The following PPP1R18 variants were observed in gnomAD, a reference collection of about 807,000 sequenced individuals.
The protein encoded by PPP1R18 is phostensin.
A neutral mutation model predicts 54.8 loss-of-function variants in PPP1R18; 31 were observed. The observed-to-expected ratio is 0.57, with a 90% CI of 0.43 to 0.76. The LOEUF is 0.76. Among genes scored for constraint, PPP1R18 ranks in the 30% least tolerant of loss-of-function variants. The probability of loss-of-function intolerance (pLI) is 0.00; values close to 1 mark genes in which losing one functional copy is unlikely to be tolerated. For synonymous variants in PPP1R18, 310 were observed against 320.2 expected (o/e 0.97, Z 0.34); for missense variants, 685 against 776.1 (o/e 0.88, Z 1.39).
intron 2 of PPP1R18, among the ~76,000 whole-genome samples, chr6:30,678,313 G>A (rs986207453): frequency 2.0e-5 from 3 of 152,026 alleles, no homozygotes; most frequent in Admixed American, 1.3e-4. Flanking sequence ...GAGGTCAAAC[G>A]ATGCTCCCAC....
chr6:30,684,707 G>A lies in PPP1R18; in HGVS notation c.1312C>T (p.Pro438Ser). 6.8e-7 allele frequency: 1 copy of A among 1,480,216 alleles called. No homozygotes were observed. The highest frequency in any genetic ancestry group is 9.0e-7 in the Non-Finnish European group (1 of 1,108,832). The allele number at this position is 1,480,216 out of a possible 1,614,324, so 91.7% of individuals were successfully genotyped here. A position where few individuals can be genotyped will look rare whatever the true frequency, so the allele number is the denominator to read the frequency against. Residue 438 changes from proline (P) to serine (S), a missense_variant, in exon 1 of 3, where the codon CCA becomes TCA. By Grantham distance (74) the Pro-to-Ser change is moderately conservative. Transcript: ENST00000274853. The surrounding 1 kb of genome is among the most constrained non-coding windows in gnomAD (Gnocchi z 6.0). The stretch of plus-strand genomic sequence containing the variant: ...TCCCCAGGAGGTTGGGGGGCAGTTG[G>A]GGCTGGGGGTGGGGGAGACAGAGGG... ...PAPLSPPPPA[P>S]TAPQPPGDPL...
rs999317207 is a variant in PPP1R18 at position 30,683,893 on chromosome 6, C to G, written c.1611+515G>C. ...CAGCTCTGCCCTCCTTCCCACGGGG[C>G]AGTTGGACCTTTCTCCATTCACTTC... is the stretch of plus-strand genomic sequence containing the variant. On this transcript the variant is annotated intron_variant, in intron 1 of 2. Transcript: ENST00000274853. This position sits in a 1 kb window ranked among gnomAD's most constrained non-coding sequence, Gnocchi z 5.1. Among the ~76,000 whole-genome samples the G allele has an allele frequency of 3.9e-5, 6 of 152,122 alleles. No individual in the cohort carries two copies. The highest frequency in any genetic ancestry group is 1.4e-4 in the African/African-American group (6 of 41,404).
chr6:30,685,506 G>T lies in PPP1R18; in HGVS notation c.513C>A (p.Asp171Glu). The change falls in exon 1 of 3, where the codon GAC (aspartate) becomes GAA (glutamate). Residue 171 changes from aspartate to glutamate, a missense_variant. Coordinates refer to ENST00000274853, the MANE Select transcript of PPP1R18 (RefSeq NM_133471.4). This position sits in a 1 kb window ranked among gnomAD's most constrained non-coding sequence, Gnocchi z 5.0. ...ELSLRPLEAR[D>E]WRQSPGEVGD... ...CCACCTCTCCTGGGCTTTGCCTCCAGTCCCGAGCCTCCAGAGGCCTCAGGC... is the reference window on the plus strand; with the variant it reads ...CCACCTCTCCTGGGCTTTGCCTCCATTCCCGAGCCTCCAGAGGCCTCAGGC... 1 of 1,612,984 alleles carries T rather than the reference G, an allele frequency of 6.2e-7. No individual in the cohort carries two copies.
At position 30,686,492 on chromosome 6, in the gene PPP1R18, G is replaced by A. The variant is rs374509699; in HGVS notation, c.-474C>T. The A allele has an allele frequency of 1.2e-5, 2 of 163,628 alleles. No homozygotes were observed. Among genetic ancestry groups the A allele is most frequent in the Non-Finnish European group, 1.3e-5 (1 of 75,764 alleles). 10.1% of individuals were successfully genotyped at this position (163,628 alleles called of 1,614,324 possible). A position where few individuals can be genotyped will look rare whatever the true frequency, so the allele number is the denominator to read the frequency against. ...CAGGGAGGCTAGTGTGGGAAGGAAG[G>A]ACCAGGAATCCCTGAAAGGACCAGG... On this transcript the variant is annotated 5_prime_UTR_variant, in exon 1 of 3. Transcript: ENST00000274853.
Position 30,684,644 on chromosome 6 carries a change from C to T in PPP1R18, c.1375G>A (p.Gly459Arg). The change falls in exon 1 of 3, where the codon GGG becomes AGG. Residue 459 changes from glycine (G) to arginine (R), a missense_variant. By Grantham distance (125) the Gly-to-Arg change is moderately radical. Coordinates refer to ENST00000274853, the MANE Select transcript of PPP1R18 (RefSeq NM_133471.4). This position sits in a 1 kb window ranked among gnomAD's most constrained non-coding sequence, Gnocchi z 6.0. The part of the protein sequence containing the change: ...MSRLFYGVKA[G>R]PGVGAPRRSG... ...CGGCGGGGGGCCCCCACCCCTGGCC[C>T]TGCCTTCACCCCATAGAACAGGCGG... The T allele has an allele frequency of 6.6e-7, 1 of 1,523,388 alleles. No homozygotes were observed. The highest frequency in any genetic ancestry group is 8.8e-7 in the Non-Finnish European group (1 of 1,133,588). 94.4% of individuals were successfully genotyped at this position (1,523,388 alleles called of 1,614,324 possible).
At chr6:30,677,322 A>C in intron 2 of PPP1R18, 34 bp from the exon 3 acceptor site, 1 of 1,562,198 alleles carries the variant, frequency 6.4e-7, no homozygotes, top group Non-Finnish European at 8.6e-7. Context: ...TTAGAGAATG[A>C]GTGAGAGCCT....
At position 30,685,504 on chromosome 6, in the gene PPP1R18, C is replaced by A; in HGVS notation, c.515G>T (p.Trp172Leu). ...TCCCACCTCTCCTGGGCTTTGCCTC[C>A]AGTCCCGAGCCTCCAGAGGCCTCAG... ...LSLRPLEARDWRQSPGEVGDR... is the reference protein window; with the variant it reads ...LSLRPLEARDLRQSPGEVGDR... Residue 172 changes from tryptophan (W) to leucine (L), a missense_variant, in exon 1 of 3, where the codon TGG becomes TTG. Coordinates refer to ENST00000274853, the MANE Select transcript of PPP1R18 (RefSeq NM_133471.4). The surrounding 1 kb of genome is among the most constrained non-coding windows in gnomAD (Gnocchi z 5.0). The A allele has an allele frequency of 6.2e-7, 1 of 1,613,076 alleles. No homozygotes were observed. Among genetic ancestry groups the A allele is most frequent in the Non-Finnish European group, 8.5e-7 (1 of 1,180,038 alleles).
Position 30,686,079 on chromosome 6 carries a change from G to T in PPP1R18, c.-61C>A. ...CAGAGAACAGGAAGGAGAGGCTCCA[G>T]AGAGTGAGACAGCCCGGGGGTGAGA... On this transcript the variant is annotated 5_prime_UTR_variant, in exon 1 of 3. The change creates a new upstream start codon in the 5' untranslated region. Transcript: ENST00000274853. 6.7e-7 allele frequency: 1 copy of T among 1,491,858 alleles called. No homozygotes were observed. The highest frequency in any genetic ancestry group is 8.9e-7 in the Non-Finnish European group (1 of 1,124,278). The allele number at this position is 1,491,858 out of a possible 1,614,324, so 92.4% of individuals were successfully genotyped here.
chr6:30,679,465 C>A, intron 1 of PPP1R18, 76 bp from the exon 2 acceptor site: 1 of 37,006 alleles, frequency 2.7e-5, no homozygotes, highest in South Asian at 2.6e-4. Flanking sequence ...GGAGAGAAAG[C>A]GGGGGCGGGG....
At position 30,685,319 on chromosome 6, in the gene PPP1R18, C is replaced by T. The variant is rs1266415901; in HGVS notation, c.700G>A (p.Gly234Ser). Reference sequence around the variant, plus strand: ...CTCCATTTATGGGCCTCTGTCAGGCCCAACTTCTGGTAGGCAGATTCCCCT... The same window carrying T: ...CTCCATTTATGGGCCTCTGTCAGGCTCAACTTCTGGTAGGCAGATTCCCCT... ...SPGESAYQKL[G>S]LTEAHKWRPD... The change falls in exon 1 of 3, where the codon GGC becomes AGC. Residue 234 changes from glycine (G) to serine (S), a missense_variant. Gly to Ser is a moderately conservative substitution (Grantham distance 56). Coordinates refer to ENST00000274853, the MANE Select transcript of PPP1R18 (RefSeq NM_133471.4). The surrounding 1 kb of genome is among the most constrained non-coding windows in gnomAD (Gnocchi z 5.0). The T allele has an allele frequency of 1.2e-6, 2 of 1,613,116 alleles. No homozygotes were observed. Among genetic ancestry groups the T allele is most frequent in the African/African-American group, 1.3e-5 (1 of 75,064 alleles).
intron 1 of PPP1R18, among the ~76,000 whole-genome samples, chr6:30,680,299 C>T (rs573219906): frequency 6.6e-6 from 1 of 152,230 alleles, no homozygotes; most frequent in Admixed American, 6.5e-5. Context: ...TATTAAGAAG[C>T]TCAGGGGGAA....
At position 30,684,847 on chromosome 6, in the gene PPP1R18, C is replaced by G. The variant is rs769802229; in HGVS notation, c.1172G>C (p.Arg391Thr). Residue 391 changes from arginine (R) to threonine (T), a missense_variant, in exon 1 of 3, where the codon AGA becomes ACA. Transcript: ENST00000274853. The surrounding 1 kb of genome is among the most constrained non-coding windows in gnomAD (Gnocchi z 6.0). Reference protein sequence around the residue: ...EEAGAQGRPLRALQNCCSVPS... With the variant: ...EEAGAQGRPLTALQNCCSVPS... ...CACAGAGCAGCAGTTCTGCAGGGCTCTCAGAGGCCTGCCCTGAGCCCCCGC... is the reference window on the plus strand; with the variant it reads ...CACAGAGCAGCAGTTCTGCAGGGCTGTCAGAGGCCTGCCCTGAGCCCCCGC... The G allele has an allele frequency of 2.5e-6, 4 of 1,612,856 alleles. No homozygotes were observed.
At chr6:30,680,036 C>T (rs1344330224) in intron 1 of PPP1R18, among the ~76,000 whole-genome samples, 2 of 151,978 alleles carry the variant, frequency 1.3e-5, no homozygotes, top group Non-Finnish European at 2.9e-5. Flanking sequence ...ACAGAAAGGC[C>T]GAGAGGAACC....
intron 1 of PPP1R18, among the ~76,000 whole-genome samples, chr6:30,680,288 C>T (rs1472152713): frequency 6.6e-6 from 1 of 152,136 alleles, no homozygotes; most frequent in Non-Finnish European, 1.5e-5. Flanking sequence ...CCCCTTTGCC[C>T]TATTAAGAAG....
intron 1 of PPP1R18, among the ~76,000 whole-genome samples, chr6:30,681,880 G>C (rs967424520): frequency 2.0e-5 from 3 of 152,190 alleles, no homozygotes; most frequent in African/African-American, 7.2e-5. Flanking sequence ...CTGGGGAAAC[G>C]ATCTGCGGGT....
intron 1 of PPP1R18, among the ~76,000 whole-genome samples, chr6:30,682,130 C>T (rs1770581565): frequency 6.6e-6 from 1 of 152,164 alleles, no homozygotes; most frequent in Non-Finnish European, 1.5e-5. Context: ...TTTATTTGCT[C>T]TCGGTCTATG....
rs756557896 is a variant in PPP1R18, at chr6:30,685,053, G to C, written c.966C>G (p.Gly322=). The C allele has an allele frequency of 6.2e-7, 1 of 1,613,050 alleles. No individual in the cohort carries two copies. Among genetic ancestry groups the C allele is most frequent in the Non-Finnish European group, 8.5e-7 (1 of 1,180,036 alleles). Residue 322 remains glycine (G), a synonymous_variant, in exon 1 of 3, where the codon GGC becomes GGG. Transcript: ENST00000274853. This position sits in a 1 kb window ranked among gnomAD's most constrained non-coding sequence, Gnocchi z 5.0. ...EAAEQRPVED[G]ERGMKPTEGW... ...CTTCTGTTGGCTTCATGCCCCTCTCGCCATCTTCCACAGGCCTCTGCTCTG... is the reference window on the plus strand; with the variant it reads ...CTTCTGTTGGCTTCATGCCCCTCTCCCCATCTTCCACAGGCCTCTGCTCTG...
Position 30,679,256 on chromosome 6 carries a change from T to A in PPP1R18, c.1745A>T (p.Asp582Val). The change falls in exon 2 of 3, where the codon GAC (aspartate) becomes GTC (valine). Residue 582 changes from aspartate (D) to valine (V), a missense_variant. Asp to Val is a radical substitution (Grantham distance 152, BLOSUM62 -3). Transcript: ENST00000274853. ...APNPPAAQPD[D>V]EEDEEELLLL... Reference sequence around the variant, plus strand: ...CAGCAGCTCTTCCTCATCCTCTTCGTCGTCGGGTTGGGCTGCTGGAGGGTT... The same window carrying A: ...CAGCAGCTCTTCCTCATCCTCTTCGACGTCGGGTTGGGCTGCTGGAGGGTT... The A allele has an allele frequency of 6.4e-7, 1 of 1,570,218 alleles. No homozygotes were observed. Among genetic ancestry groups the A allele is most frequent in the Non-Finnish European group, 8.6e-7 (1 of 1,157,932 alleles).
At chr6:30,677,351 T>TCC in intron 2 of PPP1R18, 63 bp from the exon 3 acceptor site, 1 of 1,399,906 alleles carries the variant, frequency 7.1e-7, no homozygotes, top group Non-Finnish European at 9.7e-7. Context: ...TGCCCACCCT[T>TCC]CCCCCCCACA....
Sources: gnomAD v4.1 joint callset for allele counts (sites outside exome capture counted in the v4.1 genomes callset) on GRCh38, gnomAD v4.1.1 for gene constraint, Gnocchi (gnomAD v3.1) non-coding constraint, MANE v1.5 for transcripts, NCBI Gene and HGNC (gene_info 2026-07-23, HGNC 2026-07-21) for gene names.